Variants in DZIP1 observed in about 807,000 individuals in gnomAD.
The protein encoded by DZIP1 is DAZ interacting zinc finger protein 1, also known as cilium assembly protein DZIP1.
Under a neutral mutation model 107.6 loss-of-function variants are expected in DZIP1, and 97 were observed. The observed-to-expected ratio is 0.90, with a 90% CI of 0.77 to 1.07. DZIP1 has a LOEUF of 1.07. DZIP1 is among the 50% of genes least tolerant of loss of function. The probability of loss-of-function intolerance (pLI) is 0.00; values close to 1 mark genes in which losing one functional copy is unlikely to be tolerated. For synonymous variants in DZIP1, 390 were observed against 386.4 expected, an observed-to-expected ratio of 1.01 and a Z score of -0.11; for missense variants, 1,035 against 1,063.6, an observed-to-expected ratio of 0.97 and a Z score of 0.37.
chr13:95,611,438 C>A lies in DZIP1; in HGVS notation c.1363+7G>T. ...TTGCCGCCAGTACCGGGATCCCATC[C>A]ACTTACCTTTGGGTTCACTGATACT... On this transcript the variant is annotated splice_region_variant and intron_variant, in intron 12 of 22. Coordinates refer to ENST00000376829, the MANE Select transcript of DZIP1 (RefSeq NM_198968.4). The A allele has an allele frequency of 6.2e-7, 1 of 1,612,896 alleles. No individual in the cohort carries two copies. Among genetic ancestry groups the A allele is most frequent in the South Asian group, 1.1e-5 (1 of 91,000 alleles).
intron 7 of DZIP1, among the ~76,000 whole-genome samples, chr13:95,627,881 A>G (rs1876731018): frequency 6.6e-6 from 1 of 152,226 alleles, no homozygotes; most frequent in Admixed American, 6.5e-5. Context: ...GTGAAAATGA[A>G]TCAAATGTCA....
intron 16 of DZIP1, among the ~76,000 whole-genome samples, chr13:95,591,255 C>G (rs1260044662): frequency 6.6e-6 from 1 of 151,986 alleles, no homozygotes; most frequent in African/African-American, 2.4e-5. Context: ...TCTCGAACTC[C>G]TGACCTCGTG....
intron 16 of DZIP1, 61 bp downstream of exon 16, chr13:95,593,883 T>C: frequency 1.3e-6 from 2 of 1,548,286 alleles, no homozygotes; most frequent in Non-Finnish European, 1.7e-6. Context: ...CATGATCATT[T>C]CTAATTTAGA....
rs2043982091 is a variant in DZIP1, at chr13:95,579,282, T to A, written c.*2952A>T. Reference sequence around the variant, plus strand: ...AGAGACTTGTCATTTCTAAAGACATTTAAGTTGCTCCAGGGATTTCTGAAA... The same window carrying A: ...AGAGACTTGTCATTTCTAAAGACATATAAGTTGCTCCAGGGATTTCTGAAA... On this transcript the variant is annotated 3_prime_UTR_variant, in exon 23 of 23. Coordinates refer to ENST00000376829, the MANE Select transcript of DZIP1 (RefSeq NM_198968.4). 1 of 152,182 alleles carries A rather than the reference T, an allele frequency of 6.6e-6. No homozygotes were observed. Among genetic ancestry groups the A allele is most frequent in the Admixed American group, 6.5e-5 (1 of 15,278 alleles). The allele number at this position is 152,182 out of a possible 1,614,324, so 9.4% of individuals were successfully genotyped here.
chr13:95,578,352 C>A lies in DZIP1; in HGVS notation c.*3882G>T, dbSNP rs970562709. ...TCATTCATAGATAGAAGTCTTTGTA[C>A]CCACTCCTTATGTTTCTTTTCATTC... On this transcript the variant is annotated 3_prime_UTR_variant, in exon 23 of 23. Transcript: ENST00000376829. 4.2e-5 allele frequency: 7 copies of A among 165,308 alleles called. No individual in the cohort carries two copies. The highest frequency in any genetic ancestry group is 1.4e-4 in the African/African-American group (6 of 41,870). The allele number at this position is 165,308 out of a possible 1,614,324, so 10.2% of individuals were successfully genotyped here. A position where few individuals can be genotyped will look rare whatever the true frequency, so the allele number is the denominator to read the frequency against.
At chr13:95,598,741 G>A (rs187359716) in intron 15 of DZIP1, among the ~76,000 whole-genome samples, 3 of 152,120 alleles carry the variant, frequency 2.0e-5, no homozygotes, top group Admixed American at 1.3e-4. Flanking sequence ...ATTAGAAAAT[G>A]TTCCTCATAA....
chr13:95,603,761 C>T (rs1243071089), intron 14 of DZIP1, among the ~76,000 whole-genome samples: 1 of 152,164 alleles, frequency 6.6e-6, no homozygotes, highest in African/African-American at 2.4e-5. Context: ...CTCCAGAACC[C>T]GTGTTTCATC....
intron 21 of DZIP1, among the ~76,000 whole-genome samples, chr13:95,585,632 T>A (rs1340778475): frequency 6.6e-6 from 1 of 152,158 alleles, no homozygotes; most frequent in Non-Finnish European, 1.5e-5. Flanking sequence ...GGCTCCCAAG[T>A]GGAGCTAAAC....
At chr13:95,599,244 C>T in intron 15 of DZIP1, 121 bp downstream of exon 15, 1 of 818,958 alleles carries the variant, frequency 1.2e-6, no homozygotes, top group East Asian at 2.6e-5. Flanking sequence ...AAATCCAAAT[C>T]TAAATGTCTT....
chr13:95,582,892 T>C (rs2044049005), intron 22 of DZIP1, among the ~76,000 whole-genome samples: 1 of 152,136 alleles, frequency 6.6e-6, no homozygotes, highest in Non-Finnish European at 1.5e-5. Flanking sequence ...GAGATGTCCT[T>C]AGGGCATCCT....
At chr13:95,606,631 C>T (rs938703972) in intron 13 of DZIP1, among the ~76,000 whole-genome samples, 2 of 152,140 alleles carry the variant, frequency 1.3e-5, no homozygotes, top group Non-Finnish European at 2.9e-5. Context: ...ATTTTATTTA[C>T]CTTTTCATTA....
intron 20 of DZIP1, 131 bp downstream of exon 20, chr13:95,587,408 G>C: frequency 8.1e-7 from 1 of 1,230,234 alleles, no homozygotes; most frequent in Non-Finnish European, 1.1e-6. Context: ...TTTTCCGTGG[G>C]TGCCTTTGGG....
intron 9 of DZIP1, among the ~76,000 whole-genome samples, chr13:95,621,852 G>A (rs1266623538): frequency 2.0e-5 from 3 of 151,762 alleles, no homozygotes; most frequent in Non-Finnish European, 4.4e-5. Context: ...CGAGAAGCTG[G>A]GATTACAGGC....
intron 21 of DZIP1, 61 bp from the exon 22 acceptor site, chr13:95,584,971 A>C (rs1447757046): frequency 1.4e-5 from 20 of 1,438,932 alleles, no homozygotes; most frequent in Non-Finnish European, 1.9e-5. Flanking sequence ...TCCCTCAATC[A>C]TTTTATTGGT....
chr13:95,587,243 G>C (rs1269966929), intron 20 of DZIP1, among the ~76,000 whole-genome samples: 2 of 152,262 alleles, frequency 1.3e-5, no homozygotes, highest in East Asian at 1.9e-4. Context: ...CCTTGATCTT[G>C]TACTTCCAGC....
intron 5 of DZIP1, among the ~76,000 whole-genome samples, chr13:95,635,648 G>T (rs1877710503): frequency 6.6e-6 from 1 of 152,136 alleles, no homozygotes; most frequent in South Asian, 2.1e-4. Flanking sequence ...CTCGGGCTGT[G>T]TACAGCACTG....
At chr13:95,638,454 G>A (rs557092309) in intron 5 of DZIP1, among the ~76,000 whole-genome samples, 1 of 151,902 alleles carries the variant, frequency 6.6e-6, no homozygotes, top group Non-Finnish European at 1.5e-5. Context: ...GCACTTTTTT[G>A]TATGTTTATA....
At chr13:95,587,392 T>C in intron 20 of DZIP1, 147 bp downstream of exon 20, 1 of 1,010,060 alleles carries the variant, frequency 9.9e-7, no homozygotes, top group African/African-American at 1.6e-5. Context: ...TGCTAAACCC[T>C]GCCCATTTTC....
chr13:95,606,941 A>G (rs181534543), intron 13 of DZIP1, among the ~76,000 whole-genome samples: 82 of 152,354 alleles, frequency 5.4e-4, no homozygotes, highest in Admixed American at 3.9e-4. Context: ...TGTTTTCACT[A>G]AACAGTATGG....
Sources: gnomAD v4.1 joint callset for allele counts (sites outside exome capture counted in the v4.1 genomes callset) on GRCh38, gnomAD v4.1.1 for gene constraint, MANE v1.5 for transcripts, NCBI Gene and HGNC (gene_info 2026-07-23, HGNC 2026-07-21) for gene names.